MDN1: variants seen among roughly 807,000 people sequenced by gnomAD.
MDN1 encodes the protein midasin AAA ATPase 1.
In MDN1, 266 loss-of-function variants were observed where a neutral mutation model predicts 669.2. That is an observed-to-expected ratio of 0.40 (90% CI 0.36 to 0.44). The LOEUF is 0.44. Ranked by LOEUF, MDN1 falls within the 20% of genes least tolerant of loss-of-function variation. MDN1 has a pLI of 1.00. For synonymous variants in MDN1, 2,385 were observed against 2,457.1 expected (o/e 0.97, Z 0.87); for missense variants, 5,940 against 6,754.0 (o/e 0.88, Z 4.22).
chr6:89,707,984 A>C (rs1248814428), intron 51 of MDN1, among the ~76,000 whole-genome samples: 1 of 152,166 alleles, frequency 6.6e-6, no homozygotes, highest in African/African-American at 2.4e-5. Flanking sequence ...AAGTAGGTGA[A>C]AATGGGAGGA....
rs146259139 is a variant in MDN1, at chr6:89,669,131, C to T, written c.13957-980G>A. 2.9e-3 allele frequency among the ~76,000 whole-genome samples: 437 copies of T among 152,306 alleles called. 1 individual carries two copies. The highest frequency in any genetic ancestry group is 1.0e-2 in the African/African-American group (415 of 41,566). ...GCCACAGGGCTCCCAACATTCTGCA[C>T]ATATCAGAACCATTCCTACCCGCAA... On this transcript the variant is annotated intron_variant, in intron 83 of 101. Coordinates refer to ENST00000369393, the MANE Select transcript of MDN1 (RefSeq NM_014611.3).
chr6:89,687,402 G>C lies in MDN1; in HGVS notation c.11392C>G (p.Arg3798Gly). ...TGACTGATCAAATCAAGATGTTTCC[G>C]CAAAGACAAAGCTCGACTTGCATTT... ...EENASRALSL[R>G]KHLDLISQMI... is the part of the protein sequence containing the mutation. The change falls in exon 68 of 102, where the codon CGG becomes GGG. Residue 3798 changes from arginine to glycine, a missense_variant. Arg to Gly is a moderately radical substitution (Grantham distance 125). This residue lies in a region of MDN1 where 2,280 missense variants were observed against 2,576.3 expected (regional missense o/e 0.88). Transcript: ENST00000369393. The C allele has an allele frequency of 1.2e-6, 2 of 1,613,942 alleles. No individual in the cohort carries two copies. Among genetic ancestry groups the C allele is most frequent in the Non-Finnish European group, 1.7e-6 (2 of 1,179,968 alleles).
chr6:89,646,798 T>G (rs1408700625), intron 99 of MDN1, among the ~76,000 whole-genome samples, 195 bp from the exon 100 acceptor site: 1 of 152,198 alleles, frequency 6.6e-6, no homozygotes, highest in East Asian at 1.9e-4. Flanking sequence ...ATTCTGTTTT[T>G]TAATTATTAT....
At position 89,661,731 on chromosome 6, in the gene MDN1, T is replaced by G. The variant is rs549633823; in HGVS notation, c.14566-153A>C. On this transcript the variant is annotated intron_variant, in intron 87 of 101. Coordinates refer to ENST00000369393, the MANE Select transcript of MDN1 (RefSeq NM_014611.3). ...ATCTGCACACATTAGTATTTTATTT[T>G]TAGACCTTTCATGTTGGAATCTCAG... is the stretch of plus-strand genomic sequence containing the variant. 6.6e-5 allele frequency among the ~76,000 whole-genome samples: 10 copies of G among 152,356 alleles called. No homozygotes were observed. The South Asian group carries it at 1.9e-3, about 28-fold the overall frequency.
chr6:89,781,631 C>T (rs748798865), intron 9 of MDN1, 39 bp from the exon 10 acceptor site: 1 of 1,499,006 alleles, frequency 6.7e-7, no homozygotes, highest in Non-Finnish European at 9.0e-7. Context: ...TAACAGCCAG[C>T]ATGGTAATTT....
Position 89,658,729 on chromosome 6 carries a change from C to T in MDN1, c.14902G>A (p.Ala4968Thr). 1 of 1,614,206 alleles carries T rather than the reference C, an allele frequency of 6.2e-7. No homozygotes were observed. Among genetic ancestry groups the T allele is most frequent in the Non-Finnish European group, 8.5e-7 (1 of 1,180,042 alleles). ...GAGTGTTCTTCAGGATGCTGAGCAG[C>T]ATCTCCATCTTGGTCATCAGCTCCT... ...DTGADDQDGD[A>T]AQHPEEHSEE... Residue 4968 changes from alanine (A) to threonine (T), a missense_variant, in exon 89 of 102, where the codon GCT (alanine) becomes ACT (threonine). Ala to Thr is a moderately conservative substitution (Grantham distance 58, BLOSUM62 0). Around this residue, in one of 5 missense-constraint regions of MDN1, gnomAD observed 2,280 missense variants for 2,576.3 expected, o/e 0.88. Transcript: ENST00000369393.
Position 89,680,733 on chromosome 6 carries a change from A to G in MDN1, c.12121T>C (p.Cys4041Arg). Residue 4041 changes from cysteine (C) to arginine (R), a missense_variant, in exon 74 of 102, where the codon TGT becomes CGT. Cys to Arg is a radical substitution (Grantham distance 180, BLOSUM62 -3). Around this residue, in one of 5 missense-constraint regions of MDN1, gnomAD observed 2,280 missense variants for 2,576.3 expected, o/e 0.88. Transcript: ENST00000369393. ...AAGCCGGAAGGAGCAGCGCCCTGACACCACTCTGGAATTGTGGCCTGTGAG... is the reference window on the plus strand; with the variant it reads ...AAGCCGGAAGGAGCAGCGCCCTGACGCCACTCTGGAATTGTGGCCTGTGAG... Reference protein sequence around the residue: ...AAGQATIPEWCQGAAPSGLEG... With the variant: ...AAGQATIPEWRQGAAPSGLEG... 2 of 1,614,078 alleles carry G rather than the reference A, an allele frequency of 1.2e-6. No individual in the cohort carries two copies. Among genetic ancestry groups the G allele is most frequent in the South Asian group, 1.1e-5 (1 of 91,072 alleles).
chr6:89,677,542 G>A (rs780978546), intron 76 of MDN1, 28 bp downstream of exon 76: 1 of 1,612,060 alleles, frequency 6.2e-7, no homozygotes, highest in South Asian at 1.1e-5. Context: ...TTATAAGTAG[G>A]GAAAAAACAA....
chr6:89,741,114 C>T (rs1487848517), intron 31 of MDN1, among the ~76,000 whole-genome samples: 2 of 152,172 alleles, frequency 1.3e-5, no homozygotes, highest in African/African-American at 4.8e-5. Flanking sequence ...CGCCTGTAAT[C>T]CCAGCTACTC....
chr6:89,722,389 A>C (rs1452853777), intron 40 of MDN1, among the ~76,000 whole-genome samples: 1 of 152,198 alleles, frequency 6.6e-6, no homozygotes, highest in Non-Finnish European at 1.5e-5. Context: ...GTGAAGACTT[A>C]GTTCTTTACT....
In MDN1 at chr6:89,815,217, T is replaced by C. The variant is rs536474052; in HGVS notation, c.102+4289A>G. On this transcript the variant is annotated intron_variant, in intron 1 of 101. Coordinates refer to ENST00000369393, the MANE Select transcript of MDN1 (RefSeq NM_014611.3). ...ACGGCAGTGGAGGCGGGAGACTGCC[T>C]TCCAGAGCCCCTACTCCTTGACAGA... is the stretch of plus-strand genomic sequence containing the variant. 5.8e-4 allele frequency: 230 copies of C among 393,450 alleles called. 1 individual carries two copies. The highest frequency in any genetic ancestry group is 4.5e-3 in the African/African-American group (218 of 48,048). The allele number at this position is 393,450 out of a possible 1,614,324, so 24.4% of individuals were successfully genotyped here.
chr6:89,673,914 C>G (rs966670109), intron 79 of MDN1, among the ~76,000 whole-genome samples, 190 bp downstream of exon 79: 1 of 152,120 alleles, frequency 6.6e-6, no homozygotes, highest in Non-Finnish European at 1.5e-5. Flanking sequence ...CCGCTGAAGT[C>G]TCAGAACCTG....
At chr6:89,787,550 A>G (rs1819029919) in intron 8 of MDN1, among the ~76,000 whole-genome samples, 1 of 152,190 alleles carries the variant, frequency 6.6e-6, no homozygotes. Flanking sequence ...ACTAAGTAGC[A>G]GTGTCAGGAC....
chr6:89,689,330 G>A (rs1031643327), intron 65 of MDN1, among the ~76,000 whole-genome samples: 1 of 152,186 alleles, frequency 6.6e-6, no homozygotes, highest in Non-Finnish European at 1.5e-5. Context: ...TGGTGTAGGG[G>A]TTAACTCAGT....
chr6:89,677,864 G>A (rs1285997897), intron 75 of MDN1, among the ~76,000 whole-genome samples, 168 bp from the exon 76 acceptor site: 1 of 152,238 alleles, frequency 6.6e-6, no homozygotes, highest in Non-Finnish European at 1.5e-5. Context: ...AGGATCTGTA[G>A]CTGCACTTCC....
At chr6:89,655,560 A>G (rs1809200832) in intron 92 of MDN1, among the ~76,000 whole-genome samples, 1 of 152,214 alleles carries the variant, frequency 6.6e-6, no homozygotes, top group East Asian at 1.9e-4. Flanking sequence ...TTATGTTTAC[A>G]AAGCCATTTC....
rs747754721 is a variant in MDN1 at position 89,671,039 on chromosome 6, C to T, written c.13836G>A (p.Pro4612=). 1.1e-5 allele frequency: 17 copies of T among 1,613,866 alleles called. No individual in the cohort carries two copies. Among genetic ancestry groups the T allele is most frequent in the African/African-American group, 6.7e-5 (5 of 74,856 alleles). ...CGAGGTCTGAGTAGCTGGAGAGGAC[C>T]GGCACCAGGCGCACCAGCAAGGAAC... is the stretch of plus-strand genomic sequence containing the variant. ...QSCSLLVRLV[P]VLSSYSDLVL... Residue 4612 remains proline, a synonymous_variant, in exon 83 of 102, where the codon CCG becomes CCA. Coordinates refer to ENST00000369393, the MANE Select transcript of MDN1 (RefSeq NM_014611.3).
Position 89,643,101 on chromosome 6 carries a change from G to A in MDN1, c.*904C>T, listed in dbSNP as rs933602710. ...AACTGCCTAAAGATCAGTTTCTTTC[G>A]ACTGGAAAAAATAGATGGAGCTGCT... On this transcript the variant is annotated 3_prime_UTR_variant, in exon 102 of 102. Coordinates refer to ENST00000369393, the MANE Select transcript of MDN1 (RefSeq NM_014611.3). 6.6e-6 allele frequency: 1 copy of A among 152,120 alleles called. No homozygotes were observed. Among genetic ancestry groups the A allele is most frequent in the Non-Finnish European group, 1.5e-5 (1 of 68,030 alleles). 9.4% of individuals were successfully genotyped at this position (152,120 alleles called of 1,614,324 possible).
chr6:89,722,176 T>C (rs1247547452), intron 40 of MDN1, among the ~76,000 whole-genome samples: 3 of 152,222 alleles, frequency 2.0e-5, no homozygotes, highest in Non-Finnish European at 4.4e-5. Flanking sequence ...TTCCTTACAG[T>C]GGGAATTCTA....
Sources: allele counts gnomAD v4.1 joint callset (sites outside exome capture counted in the v4.1 genomes callset), GRCh38; gene constraint gnomAD v4.1.1; regional missense constraint gnomAD v4.1.1; transcripts MANE v1.5; gene names NCBI Gene and HGNC (gene_info 2026-07-23, HGNC 2026-07-21).